The following GHR variants were observed in gnomAD, a reference collection of about 807,000 sequenced individuals.
The protein encoded by GHR is growth hormone receptor, also known as GH receptor.
A neutral mutation model predicts 67.1 loss-of-function variants in GHR; 35 were observed. That is an observed-to-expected ratio of 0.52 (90% CI 0.40 to 0.69). The LOEUF is 0.69. Ranked by LOEUF, GHR falls within the 30% of genes least tolerant of loss-of-function variation. The probability of loss-of-function intolerance (pLI) is 0.00; values close to 1 mark genes in which losing one functional copy is unlikely to be tolerated. For missense variants in GHR, 792 were observed against 764.6 expected, an observed-to-expected ratio of 1.04 and a Z score of -0.42; for synonymous variants, 272 against 269.1, an observed-to-expected ratio of 1.01 and a Z score of -0.10.
intron 2 of GHR, among the ~76,000 whole-genome samples, chr5:42,589,004 A>T (rs1751639171): frequency 6.6e-6 from 1 of 152,150 alleles, no homozygotes; most frequent in Non-Finnish European, 1.5e-5. Context: ...ACTGCCCTAA[A>T]CCATATTTCA....
intron 3 of GHR, among the ~76,000 whole-genome samples, chr5:42,680,879 G>C (rs578095212): frequency 8.6e-5 from 13 of 151,724 alleles, no homozygotes; most frequent in African/African-American, 2.9e-4. Context: ...CTTTGTTCTG[G>C]CATGCATGTG....
intron 3 of GHR, among the ~76,000 whole-genome samples, chr5:42,684,098 A>G (rs1233611460): frequency 6.6e-6 from 1 of 152,064 alleles, no homozygotes; most frequent in Non-Finnish European, 1.5e-5. Flanking sequence ...TGACATTTGT[A>G]TTTGGTGTTC....
At chr5:42,638,798 T>C (rs564047716) in intron 3 of GHR, among the ~76,000 whole-genome samples, 1 of 152,324 alleles carries the variant, frequency 6.6e-6, no homozygotes, top group East Asian at 1.9e-4. Context: ...ATGTTTGTGC[T>C]TGCATTCATA....
intron 1 of GHR, chr5:42,468,891 T>C: frequency 1.4e-6 from 1 of 722,492 alleles, no homozygotes; most frequent in Non-Finnish European, 2.2e-6. Flanking sequence ...GGCACATTCC[T>C]CCACGGATTG....
intron 4 of GHR, among the ~76,000 whole-genome samples, chr5:42,689,855 C>T (rs74970600): frequency 3.5e-4 from 53 of 152,286 alleles, no homozygotes; most frequent in African/African-American, 1.1e-3. Context: ...CCAGATAATA[C>T]ACTCCTTCTC....
At chr5:42,543,981 C>T (rs1181436316) in intron 1 of GHR, among the ~76,000 whole-genome samples, 2 of 152,042 alleles carry the variant, frequency 1.3e-5, no homozygotes, top group African/African-American at 4.8e-5. Context: ...CAACTTTGCA[C>T]TGCCACGTTG....
chr5:42,595,967 A>G (rs1279670398), intron 2 of GHR, among the ~76,000 whole-genome samples: 1 of 152,230 alleles, frequency 6.6e-6, no homozygotes, highest in Non-Finnish European at 1.5e-5. Flanking sequence ...ACCATTTCCA[A>G]TTAAGGAAGG....
intron 3 of GHR, among the ~76,000 whole-genome samples, chr5:42,681,155 ACCAG>A (rs1189919443): frequency 6.6e-6 from 1 of 152,124 alleles, no homozygotes; most frequent in Non-Finnish European, 1.5e-5. Flanking sequence ...AAAAGAAACT[ACCAG>A]CAGAGTGAAC....
In GHR at chr5:42,718,848, T is replaced by C. The variant is rs1222389768; in HGVS notation, c.1341T>C (p.Ser447=). 6.2e-7 allele frequency: 1 copy of C among 1,614,088 alleles called. No homozygotes were observed. The highest frequency in any genetic ancestry group is 1.1e-5 in the South Asian group (1 of 91,082). Residue 447 remains serine, a synonymous_variant, in exon 10 of 10, where the codon AGT becomes AGC. Transcript: ENST00000230882. Reference sequence around the variant, plus strand: ...CTTGCCCTGCTACTCAGCAGCCCAGTGTTATCCAAGCAGAGAAAAACAAAC... The same window carrying C: ...CTTGCCCTGCTACTCAGCAGCCCAGCGTTATCCAAGCAGAGAAAAACAAAC... ...HDACPATQQP[S]VIQAEKNKPQ...
chr5:42,505,860 A>G (rs995840060), intron 1 of GHR, among the ~76,000 whole-genome samples: 9 of 152,178 alleles, frequency 5.9e-5, no homozygotes, highest in African/African-American at 1.4e-4. Flanking sequence ...TGATTCTACA[A>G]TTATTTAGTT....
intron 1 of GHR, among the ~76,000 whole-genome samples, chr5:42,535,158 G>T (rs1337584414): frequency 6.6e-6 from 1 of 151,966 alleles, no homozygotes; most frequent in African/African-American, 2.4e-5. Context: ...AAGCTCTTTA[G>T]TTTAAGTCCC....
At chr5:42,624,175 C>T (rs1475035859) in intron 2 of GHR, among the ~76,000 whole-genome samples, 3 of 152,088 alleles carry the variant, frequency 2.0e-5, no homozygotes, top group African/African-American at 4.8e-5. Context: ...ACCAAATGCA[C>T]GATAAAGGCA....
chr5:42,553,444 T>C (rs1045257129), intron 1 of GHR, among the ~76,000 whole-genome samples: 2 of 152,072 alleles, frequency 1.3e-5, no homozygotes, highest in Admixed American at 1.3e-4. Flanking sequence ...GCAACAAGAT[T>C]CTATGTACCC....
chr5:42,490,483 A>AT (rs1365206548), intron 1 of GHR, among the ~76,000 whole-genome samples: 1 of 152,238 alleles, frequency 6.6e-6, no homozygotes, highest in Non-Finnish European at 1.5e-5. Flanking sequence ...TGAATGCAAA[A>AT]TGAAAGATCA....
intron 1 of GHR, among the ~76,000 whole-genome samples, chr5:42,451,664 C>T (rs1744055504): frequency 6.7e-6 from 1 of 149,676 alleles, no homozygotes; most frequent in African/African-American, 2.5e-5. Flanking sequence ...CAAGATTGCA[C>T]CACTGACTCC....
intron 2 of GHR, among the ~76,000 whole-genome samples, chr5:42,594,854 C>T (rs2112608476): frequency 6.6e-6 from 1 of 152,242 alleles, no homozygotes; most frequent in Non-Finnish European, 1.5e-5. Flanking sequence ...ATCCCATTAG[C>T]TGTCAGAGCA....
At chr5:42,531,390 AACT>A (rs1747961248) in intron 1 of GHR, among the ~76,000 whole-genome samples, 2 of 152,190 alleles carry the variant, frequency 1.3e-5, no homozygotes, top group African/African-American at 2.4e-5. Context: ...AGAAAAAGAA[AACT>A]ACTATGGATT....
chr5:42,644,874 A>G (rs1482196621), intron 3 of GHR, among the ~76,000 whole-genome samples: 1 of 152,136 alleles, frequency 6.6e-6, no homozygotes, highest in Non-Finnish European at 1.5e-5. Flanking sequence ...TCCCTCATGA[A>G]CAGATGGTCT....
chr5:42,556,295 A>G (rs1204942199), intron 1 of GHR, among the ~76,000 whole-genome samples: 2 of 152,168 alleles, frequency 1.3e-5, no homozygotes, highest in Admixed American at 1.3e-4. Context: ...TCATTGTTAG[A>G]TTATATCTCA....
Sources: allele counts gnomAD v4.1 joint callset (sites outside exome capture counted in the v4.1 genomes callset), GRCh38; gene constraint gnomAD v4.1.1; transcripts MANE v1.5; gene names NCBI Gene and HGNC (gene_info 2026-07-23, HGNC 2026-07-21).